Variants in IL18R1 observed in about 807,000 individuals in gnomAD.
The protein encoded by IL18R1 is interleukin 18 receptor 1.
Under a neutral mutation model 48.5 loss-of-function variants are expected in IL18R1, and 40 were observed. That is an observed-to-expected ratio of 0.82 (90% CI 0.64 to 1.07). The LOEUF is 1.07. Among genes scored for constraint, IL18R1 ranks in the 50% least tolerant of loss-of-function variants. The probability of loss-of-function intolerance (pLI) is 0.00; values close to 1 mark genes in which losing one functional copy is unlikely to be tolerated. For synonymous variants in IL18R1, 232 were observed against 225.9 expected, an observed-to-expected ratio of 1.03 and a Z score of -0.24; for missense variants, 596 against 633.7, an observed-to-expected ratio of 0.94 and a Z score of 0.64.
At position 102,394,538 on chromosome 2, in the gene IL18R1, C is replaced by T. The variant is rs1233529374; in HGVS notation, c.1181C>T (p.Thr394Ile). Residue 394 changes from threonine to isoleucine, a missense_variant, in exon 10 of 11, where the codon ACC becomes ATC. Physicochemically the swap from Thr to Ile is moderately conservative, Grantham distance 89. This residue lies in a region of IL18R1 where 179 missense variants were observed against 206.1 expected (regional missense o/e 0.87). Transcript: ENST00000233957. The part of the protein sequence containing the change: ...ECRPENGEEH[T>I]FAVEILPRVL... Reference sequence around the variant, plus strand: ...CGACCTGAAAATGGAGAGGAGCACACCTTTGCTGTGGAGATTTTGCCCAGG... The same window carrying T: ...CGACCTGAAAATGGAGAGGAGCACATCTTTGCTGTGGAGATTTTGCCCAGG... The T allele has an allele frequency of 1.2e-6, 2 of 1,613,038 alleles. No homozygotes were observed. The highest frequency in any genetic ancestry group is 8.5e-7 in the Non-Finnish European group (1 of 1,179,272).
At chr2:102,380,884 G>A (rs1679880482) in intron 5 of IL18R1, among the ~76,000 whole-genome samples, 1 of 152,186 alleles carries the variant, frequency 6.6e-6, no homozygotes, top group Non-Finnish European at 1.5e-5. Flanking sequence ...AGGATATCAG[G>A]GCTAACAATA....
Position 102,367,978 on chromosome 2 carries a change from G to C in IL18R1, c.212G>C (p.Arg71Thr), listed in dbSNP as rs763770123. Residue 71 changes from arginine to threonine, a missense_variant, in exon 3 of 11, where the codon AGG becomes ACG. By Grantham distance (71) the Arg-to-Thr change is moderately conservative. Transcript: ENST00000233957. Reference protein sequence around the residue: ...GSQEHVELNPRSSSRIALHDC... With the variant: ...GSQEHVELNPTSSSRIALHDC... ...CAGGAACATGTGGAGCTGAACCCAA[G>C]GAGTTCCTCGAGAATTGCTTTGCAT... 6.2e-7 allele frequency: 1 copy of C among 1,614,204 alleles called. No individual in the cohort carries two copies. Among genetic ancestry groups the C allele is most frequent in the East Asian group, 2.2e-5 (1 of 44,884 alleles).
At chr2:102,390,617 A>T (rs1360239961) in intron 9 of IL18R1, among the ~76,000 whole-genome samples, 15 of 152,128 alleles carry the variant, frequency 9.9e-5, no homozygotes. Flanking sequence ...CTGGCAAAGG[A>T]GGCTTACATA....
chr2:102,363,865 G>A (rs1230917806), intron 2 of IL18R1, among the ~76,000 whole-genome samples: 1 of 152,182 alleles, frequency 6.6e-6, no homozygotes. Context: ...ATTCCAAAGG[G>A]CATTGGTTGT....
chr2:102,379,630 C>A (rs567963901), intron 5 of IL18R1, among the ~76,000 whole-genome samples: 4 of 152,276 alleles, frequency 2.6e-5, no homozygotes, highest in African/African-American at 9.6e-5. Flanking sequence ...TGTCCAGATT[C>A]TTCTTGGCCT....
chr2:102,394,108 A>C (rs1322504667), intron 9 of IL18R1, among the ~76,000 whole-genome samples: 2 of 152,112 alleles, frequency 1.3e-5, no homozygotes, highest in Non-Finnish European at 2.9e-5. Context: ...ATGGTGGTAG[A>C]ATTAAATGAT....
intron 3 of IL18R1, among the ~76,000 whole-genome samples, chr2:102,369,116 A>T (rs554169372): frequency 1.3e-5 from 2 of 152,308 alleles, no homozygotes. Context: ...CACAACTGGG[A>T]TTTTTCATAA....
intron 8 of IL18R1, among the ~76,000 whole-genome samples, chr2:102,388,022 C>A (rs1336874403): frequency 1.3e-5 from 2 of 152,002 alleles, no homozygotes; most frequent in Non-Finnish European, 2.9e-5. Context: ...GTGAAACAGA[C>A]AGAGAGACAG....
At chr2:102,364,101 C>A (rs1678746554) in intron 2 of IL18R1, among the ~76,000 whole-genome samples, 1 of 152,152 alleles carries the variant, frequency 6.6e-6, no homozygotes, top group Non-Finnish European at 1.5e-5. Flanking sequence ...TATCAACCTC[C>A]CACCTCTGGA....
Position 102,394,503 on chromosome 2 carries a change from A to G in IL18R1, c.1146A>G (p.Leu382=), listed in dbSNP as rs779549944. The G allele has an allele frequency of 1.2e-6, 2 of 1,613,278 alleles. No individual in the cohort carries two copies. The highest frequency in any genetic ancestry group is 3.3e-5 in the Admixed American group (2 of 59,988). The stretch of plus-strand genomic sequence containing the variant: ...CATATGATGCTTTTGTGTCTTACCT[A>G]AAAGAATGCCGACCTGAAAATGGAG... ...GKTYDAFVSY[L]KECRPENGEE... is the part of the protein sequence containing the mutation. The change falls in exon 10 of 11, where the codon CTA becomes CTG. Residue 382 remains leucine (L), a synonymous_variant. Coordinates refer to ENST00000233957, the MANE Select transcript of IL18R1 (RefSeq NM_003855.5).
intron 1 of IL18R1, among the ~76,000 whole-genome samples, chr2:102,357,504 A>C (rs1365643111): frequency 6.9e-6 from 1 of 144,606 alleles, no homozygotes; most frequent in Non-Finnish European, 1.5e-5. Context: ...AAAAAAAAAG[A>C]AAAAAAAGAA....
chr2:102,383,170 C>CT (rs1680016851), intron 6 of IL18R1, among the ~76,000 whole-genome samples: 1 of 152,162 alleles, frequency 6.6e-6, no homozygotes, highest in Non-Finnish European at 1.5e-5. Context: ...GTCATTTCAA[C>CT]CTTTTGGAAT....
In IL18R1 at chr2:102,356,074, C is replaced by T. The variant is rs11902044; in HGVS notation, c.-355C>T. 15,981 of 152,480 alleles carry T rather than the reference C, an allele frequency of 0.1. 931 individuals carry two copies. Among genetic ancestry groups the T allele is most frequent in the Non-Finnish European group, 0.13 (8,918 of 68,224 alleles). 9.4% of individuals were successfully genotyped at this position (152,480 alleles called of 1,614,324 possible). On this transcript the variant is annotated 5_prime_UTR_variant, in exon 1 of 11. Coordinates refer to ENST00000233957, the MANE Select transcript of IL18R1 (RefSeq NM_003855.5). ...AGACTGAGAGCGCCCCAGACCGCTA[C>T]ACTCCCGGACCCGGAGCTTCGCCCG...
intron 1 of IL18R1, among the ~76,000 whole-genome samples, chr2:102,357,999 T>C (rs1328251198): frequency 7.4e-6 from 1 of 135,044 alleles, no homozygotes; most frequent in Non-Finnish European, 1.7e-5. Context: ...AGAAGAAAAA[T>C]TATATTAAAA....
chr2:102,394,596 CA>C lies in IL18R1; in HGVS notation c.1240del (p.Ile414TyrfsTer6). The C allele has an allele frequency of 1.2e-6, 2 of 1,611,922 alleles. No individual in the cohort carries two copies. Among genetic ancestry groups the C allele is most frequent in the East Asian group, 4.5e-5 (2 of 44,842 alleles). ...AGAAACATTTTGGGTATAAGTTATG[CA>C]TATTTGAAAGGGATGTAGTGCCTGG... ...LEKHFGYKLC[I>X]FERDVVPGGA... On this transcript the variant is annotated frameshift_variant, in exon 10 of 11. Coordinates refer to ENST00000233957, the MANE Select transcript of IL18R1 (RefSeq NM_003855.5). LOFTEE classifies it low-confidence loss of function (END_TRUNC).
At chr2:102,384,518 A>C (rs2105103284) in intron 6 of IL18R1, among the ~76,000 whole-genome samples, 2 of 152,200 alleles carry the variant, frequency 1.3e-5, no homozygotes, top group Middle Eastern at 6.8e-3. Context: ...TGATGTCTTT[A>C]ATGTTTGCTT....
At chr2:102,394,386 A>T in intron 9 of IL18R1, 83 bp from the exon 10 acceptor site, 1 of 1,147,248 alleles carries the variant, frequency 8.7e-7, no homozygotes, top group Non-Finnish European at 1.2e-6. Flanking sequence ...TTCTATACTC[A>T]TTACTTACGA....
intron 5 of IL18R1, among the ~76,000 whole-genome samples, chr2:102,380,580 A>G (rs1679862112): frequency 6.6e-6 from 1 of 151,982 alleles, no homozygotes; most frequent in Non-Finnish European, 1.5e-5. Flanking sequence ...CCCAGACCTG[A>G]CTCTGAACTC....
At position 102,386,029 on chromosome 2, in the gene IL18R1, G is replaced by T. The variant is rs567907299; in HGVS notation, c.810-832G>T. On this transcript the variant is annotated intron_variant, in intron 7 of 10. Transcript: ENST00000233957. Reference sequence around the variant, plus strand: ...TGTGTTTTACTTCTGGATTTCATTGGTTTTAGATGGTTGTTATTTCTGGAT... The same window carrying T: ...TGTGTTTTACTTCTGGATTTCATTGTTTTTAGATGGTTGTTATTTCTGGAT... Among the ~76,000 whole-genome samples, 83 of 152,282 alleles carry T rather than the reference G, an allele frequency of 5.5e-4. 1 individual carries two copies. Among genetic ancestry groups the T allele is most frequent in the African/African-American group, 1.8e-3 (76 of 41,560 alleles).
Sources: allele counts gnomAD v4.1 joint callset (sites outside exome capture counted in the v4.1 genomes callset), GRCh38; gene constraint gnomAD v4.1.1; regional missense constraint gnomAD v4.1.1; transcripts MANE v1.5; gene names NCBI Gene and HGNC (gene_info 2026-07-23, HGNC 2026-07-21).